The following TYW1 variants were observed in gnomAD, a reference collection of about 807,000 sequenced individuals.
TYW1 encodes tRNA-yW synthesizing protein 1 homolog.
Under a neutral mutation model 96.2 loss-of-function variants are expected in TYW1, and 46 were observed. The ratio of observed to expected loss-of-function variants is 0.48; its 90% confidence interval spans 0.38 to 0.61. The LOEUF is 0.61. Ranked by LOEUF, TYW1 falls within the 20% of genes least tolerant of loss-of-function variation. TYW1 has a pLI of 0.00. For missense variants in TYW1, 684 were observed against 909.6 expected (o/e 0.75, Z 3.19); for synonymous variants, 274 against 323.0 (o/e 0.85, Z 1.63).
At chr7:67,059,266 AT>A (rs1027534471) in intron 9 of TYW1, among the ~76,000 whole-genome samples, 10 of 146,982 alleles carry the variant, frequency 6.8e-5, no homozygotes, top group Non-Finnish European at 6.0e-5. Context: ...CTCCCGGCTA[AT>A]TTTTTTTTTG....
At chr7:67,198,473 C>T (rs1800478113) in intron 15 of TYW1, among the ~76,000 whole-genome samples, 1 of 151,826 alleles carries the variant, frequency 6.6e-6, no homozygotes. Context: ...ATCTCTTGAA[C>T]CCGGGAGGTG....
At chr7:67,048,067 C>T (rs1795243112) in intron 7 of TYW1, among the ~76,000 whole-genome samples, 1 of 125,014 alleles carries the variant, frequency 8.0e-6, no homozygotes, top group Non-Finnish European at 1.7e-5. Context: ...GGATTATAGG[C>T]GTGAGCCAAC....
At chr7:67,166,236 CAG>C (rs1799317619) in intron 13 of TYW1, among the ~76,000 whole-genome samples, 1 of 142,440 alleles carries the variant, frequency 7.0e-6, no homozygotes, top group African/African-American at 2.7e-5. Flanking sequence ...GCCTGTGTGA[CAG>C]AGCGTGAACC....
At chr7:67,168,064 T>C (rs778824115) in intron 13 of TYW1, among the ~76,000 whole-genome samples, 49 of 151,318 alleles carry the variant, frequency 3.2e-4, no homozygotes, top group Non-Finnish European at 5.6e-4. Context: ...ACTGTTGATT[T>C]TTTATAAATA....
At position 67,068,766 on chromosome 7, in the gene TYW1, T is replaced by C. The variant is rs150955478; in HGVS notation, c.1274+1363T>C. Among the ~76,000 whole-genome samples, 73 of 152,334 alleles carry C rather than the reference T, an allele frequency of 4.8e-4. 1 individual carries two copies. The highest frequency in any genetic ancestry group is 1.7e-3 in the African/African-American group (70 of 41,564). ...CTGAGTTTTCCTTCTCCATTTCCAA[T>C]TTCCTGTTGCATATCTTCTCTTGGA... On this transcript the variant is annotated intron_variant, in intron 10 of 15. Coordinates refer to ENST00000359626, the MANE Select transcript of TYW1 (RefSeq NM_018264.4).
intron 7 of TYW1, among the ~76,000 whole-genome samples, chr7:67,031,806 C>G (rs1324047145): frequency 6.9e-6 from 1 of 145,508 alleles, no homozygotes; most frequent in Non-Finnish European, 1.5e-5. Flanking sequence ...GAACAATGTG[C>G]CTTTACAAAT....
intron 13 of TYW1, among the ~76,000 whole-genome samples, chr7:67,175,421 T>A (rs1160150704): frequency 1.3e-5 from 2 of 152,200 alleles, no homozygotes; most frequent in Admixed American, 1.3e-4. Flanking sequence ...TCCACCTGCC[T>A]CAGCCTCCCA....
intron 13 of TYW1, among the ~76,000 whole-genome samples, chr7:67,173,973 G>C (rs563419381): frequency 1.4e-5 from 2 of 139,588 alleles, no homozygotes; most frequent in Non-Finnish European, 3.1e-5. Flanking sequence ...ATGGGTTGCA[G>C]GCAAACAACC....
At chr7:67,095,930 A>G (rs1340626907) in intron 11 of TYW1, among the ~76,000 whole-genome samples, 3 of 152,106 alleles carry the variant, frequency 2.0e-5, no homozygotes, top group Non-Finnish European at 4.4e-5. Flanking sequence ...CTGGGATCGA[A>G]TCAGTTTCAT....
chr7:67,233,955 G>C (rs1247853635), intron 15 of TYW1, among the ~76,000 whole-genome samples: 3 of 135,360 alleles, frequency 2.2e-5, no homozygotes, highest in South Asian at 5.0e-4. Context: ...AACTCCCAGC[G>C]TGGCTATATT....
At position 67,089,476 on chromosome 7, in the gene TYW1, A is replaced by G. The variant is rs548698745; in HGVS notation, c.1384+5937A>G. The G allele has an allele frequency of 1.1e-5, 12 of 1,064,316 alleles. No homozygotes were observed. The East Asian group carries it at 2.9e-4, about 26-fold the overall frequency. The allele number at this position is 1,064,316 out of a possible 1,614,324, so 65.9% of individuals were successfully genotyped here. On this transcript the variant is annotated intron_variant, in intron 11 of 15. Coordinates refer to ENST00000359626, the MANE Select transcript of TYW1 (RefSeq NM_018264.4). ...GCGTGGCCTTGAGACAGGAATGCTC[A>G]TTAATTATTTACCTCACTCTGGCTT...
At chr7:67,199,054 A>G (rs2949098) in intron 15 of TYW1, among the ~76,000 whole-genome samples, 1 of 152,092 alleles carries the variant, frequency 6.6e-6, no homozygotes, top group Admixed American at 6.5e-5. Flanking sequence ...AAAATTTCCT[A>G]GGCGTGATGG....
chr7:67,024,210 G>A (rs1246103091), intron 6 of TYW1, among the ~76,000 whole-genome samples: 1 of 152,086 alleles, frequency 6.6e-6, no homozygotes. Flanking sequence ...TGTTGTTTTT[G>A]TAGAGATGAG....
At chr7:67,163,593 ATCT>A (rs1784894352) in intron 13 of TYW1, among the ~76,000 whole-genome samples, 1 of 151,776 alleles carries the variant, frequency 6.6e-6, no homozygotes, top group Non-Finnish European at 1.5e-5. Flanking sequence ...GATGTGCATG[ATCT>A]TCTTAGGTTC....
chr7:67,148,140 A>G (rs1403459038), intron 13 of TYW1, among the ~76,000 whole-genome samples: 1 of 151,798 alleles, frequency 6.6e-6, no homozygotes, highest in Non-Finnish European at 1.5e-5. Flanking sequence ...GGGGAGGGTT[A>G]TTGGTCTGTT....
At chr7:67,144,183 T>C (rs1381311108) in intron 13 of TYW1, among the ~76,000 whole-genome samples, 1 of 152,000 alleles carries the variant, frequency 6.6e-6, no homozygotes, top group Non-Finnish European at 1.5e-5. Flanking sequence ...CTTAAAGACT[T>C]TTTTCATTTG....
intron 8 of TYW1, among the ~76,000 whole-genome samples, 193 bp from the exon 9 acceptor site, chr7:67,055,642 A>G (rs1795486992): frequency 6.6e-6 from 1 of 150,898 alleles, no homozygotes; most frequent in African/African-American, 2.4e-5. Context: ...TTGAGTCTAT[A>G]TTATTAGATA....
chr7:67,010,093 T>G (rs1273304059), intron 4 of TYW1, among the ~76,000 whole-genome samples: 1 of 151,752 alleles, frequency 6.6e-6, no homozygotes, highest in Non-Finnish European at 1.5e-5. Context: ...GTGATTCTCC[T>G]GCCTCAGCCT....
At chr7:67,008,423 C>A (rs567786360) in intron 3 of TYW1, among the ~76,000 whole-genome samples, 2 of 152,314 alleles carry the variant, frequency 1.3e-5, no homozygotes, top group South Asian at 4.1e-4. Context: ...AGTTTAACTT[C>A]TCATCAGTTT....
Sources: gnomAD v4.1 joint callset for allele counts (sites outside exome capture counted in the v4.1 genomes callset) on GRCh38, gnomAD v4.1.1 for gene constraint, MANE v1.5 for transcripts, NCBI Gene and HGNC (gene_info 2026-07-23, HGNC 2026-07-21) for gene names.